Variants in DHRS4 observed in about 807,000 individuals in gnomAD.
DHRS4 encodes dehydrogenase/reductase SDR family member 4.
A neutral mutation model predicts 28.4 loss-of-function variants in DHRS4; 20 were observed. The observed-to-expected ratio is 0.71, with a 90% confidence interval of 0.50 to 1.02. The LOEUF (loss-of-function observed/expected upper bound fraction) is 1.02, where lower values mean the gene tolerates loss of function less well. Ranked by LOEUF, DHRS4 falls within the 50% of genes least tolerant of loss-of-function variation. The probability of loss-of-function intolerance (pLI) is 0.00; values close to 1 mark genes in which losing one functional copy is unlikely to be tolerated. For synonymous variants in DHRS4, 144 were observed against 146.4 expected (o/e 0.98, Z 0.12); for missense variants, 378 against 367.2 (o/e 1.03, Z -0.24).
At chr14:23,961,527 T>C (rs1360379988) in intron 3 of DHRS4, among the ~76,000 whole-genome samples, 1 of 98,486 alleles carries the variant, frequency 1.0e-5, no homozygotes, top group Non-Finnish European at 1.8e-5. Flanking sequence ...CTGTCTTTTT[T>C]CCTTTTTTTT....
chr14:23,965,520 A>T (rs2033581828), intron 3 of DHRS4, among the ~76,000 whole-genome samples: 1 of 144,826 alleles, frequency 6.9e-6, no homozygotes, highest in African/African-American at 2.6e-5. Context: ...ATTATGAAAC[A>T]AGATGAACCA....
At chr14:23,953,976 T>C in intron 1 of DHRS4, 60 bp downstream of exon 1, 1 of 1,545,186 alleles carries the variant, frequency 6.5e-7, no homozygotes, top group Non-Finnish European at 8.7e-7. Flanking sequence ...CACTGGCCTC[T>C]CATCCTCGGC....
In DHRS4 at chr14:23,966,265, ATTCTC is replaced by A. The variant is rs1566477282; in HGVS notation, c.532-13_532-9del. The A allele has an allele frequency of 6.2e-7, 1 of 1,607,850 alleles. No homozygotes were observed. Among genetic ancestry groups the A allele is most frequent in the Admixed American group, 1.7e-5 (1 of 58,988 alleles). On this transcript the variant is annotated splice_polypyrimidine_tract_variant and intron_variant, in intron 5 of 7. Coordinates refer to ENST00000313250, the MANE Select transcript of DHRS4 (RefSeq NM_021004.4). The stretch of plus-strand genomic sequence containing the variant: ...GACCTGGAAACTATGAGTCTAACAC[ATTCTC>A]TTCTTTCTCCAGGGCTTCAGTCCTT...
rs1262577110 is a variant in DHRS4 at position 23,955,112 on chromosome 14, T to A, written c.206T>A (p.Val69Glu). The A allele has an allele frequency of 1.9e-5, 31 of 1,614,010 alleles. 1 individual carries two copies. Among genetic ancestry groups the A allele is most frequent in the Non-Finnish European group, 2.5e-5 (30 of 1,179,984 alleles). ...GTCAGCAGCCGGAAGCAGCAGAATG[T>A]GGACCAGGCGGTGGCCACGCTGCAG... Reference protein sequence around the residue: ...VVVSSRKQQNVDQAVATLQGE... With the variant: ...VVVSSRKQQNEDQAVATLQGE... The change falls in exon 2 of 8, where the codon GTG becomes GAG. Residue 69 changes from valine (V) to glutamate (E), a missense_variant. Transcript: ENST00000313250.
chr14:23,966,037 C>T, intron 5 of DHRS4, 54 bp downstream of exon 5: 1 of 1,608,030 alleles, frequency 6.2e-7, no homozygotes, highest in Admixed American at 1.7e-5. Flanking sequence ...CACATCTTTC[C>T]ACCCCTCCTA....
In DHRS4 at chr14:23,953,968, C is replaced by T. The variant is rs138642112; in HGVS notation, c.128+52C>T. 1.9e-3 allele frequency: 2,950 copies of T among 1,549,468 alleles called. 6 individuals are homozygous for T. Among genetic ancestry groups the T allele is most frequent in the Middle Eastern group, 9.8e-3 (43 of 4,408 alleles). ...GGCCCTGGCTGCCTGGAAACAGGCA[C>T]TGGCCTCTCATCCTCGGCCTCCGGT... is the stretch of plus-strand genomic sequence containing the variant. On this transcript the variant is annotated intron_variant, in intron 1 of 7. Coordinates refer to ENST00000313250, the MANE Select transcript of DHRS4 (RefSeq NM_021004.4).
intron 2 of DHRS4, among the ~76,000 whole-genome samples, chr14:23,955,520 TAATA>T (rs1039027844): frequency 1.3e-5 from 2 of 152,178 alleles, no homozygotes; most frequent in African/African-American, 4.8e-5. Flanking sequence ...ACCCATGAGT[TAATA>T]AACATTCCCC....
intron 3 of DHRS4, among the ~76,000 whole-genome samples, chr14:23,960,619 G>A (rs34506026): frequency 2.5e-4 from 37 of 149,782 alleles, no homozygotes; most frequent in African/African-American, 5.1e-4. Flanking sequence ...CATTATATTC[G>A]TAATATATTT....
intron 1 of DHRS4, chr14:23,954,117 C>T (rs1469784824): frequency 2.6e-6 from 2 of 774,052 alleles, no homozygotes; most frequent in East Asian, 2.8e-5. Context: ...CCCTCCTGTC[C>T]CTGCTACCTC....
chr14:23,964,247 A>AACAAAAAACAAAAAAC (rs1555326222), intron 3 of DHRS4, among the ~76,000 whole-genome samples: 1 of 129,720 alleles, frequency 7.7e-6, no homozygotes, highest in African/African-American at 3.3e-5. Context: ...AAAAAAAAAA[A>AACAAAAAACAAAAAAC]AAAAAAACAC....
In DHRS4 at chr14:23,969,092, C is replaced by A; in HGVS notation, c.*221C>A. On this transcript the variant is annotated 3_prime_UTR_variant, in exon 8 of 8. Transcript: ENST00000313250. ...TGGGTAAAGGCCTCCCCTGAGAACA[C>A]AGGACAGGCCTGCTGACAAGGCTGA... 7 of 696,500 alleles carry A rather than the reference C, an allele frequency of 1.0e-5. No homozygotes were observed. In the South Asian group the frequency reaches 1.3e-4, roughly 13 times the overall value. The allele number at this position is 696,500 out of a possible 1,614,324, so 43.1% of individuals were successfully genotyped here. A position where few individuals can be genotyped will look rare whatever the true frequency, so the allele number is the denominator to read the frequency against.
chr14:23,965,921 TC>T lies in DHRS4; in HGVS notation c.480-10del, dbSNP rs766838035. On this transcript the variant is annotated splice_polypyrimidine_tract_variant and intron_variant, in intron 4 of 7. Coordinates refer to ENST00000313250, the MANE Select transcript of DHRS4 (RefSeq NM_021004.4). The stretch of plus-strand genomic sequence containing the variant: ...ACAATGGGAAGATGGTCAGCTCTCT[TC>T]TTTTTCCAGAGGCGGCTCAGTGGTG... 6.3e-7 allele frequency: 1 copy of T among 1,585,706 alleles called. No individual in the cohort carries two copies. Among genetic ancestry groups the T allele is most frequent in the African/African-American group, 1.4e-5 (1 of 73,028 alleles).
At chr14:23,967,186 A>G (rs1413504689) in intron 6 of DHRS4, 25 bp from the exon 7 acceptor site, 6 of 1,601,262 alleles carry the variant, frequency 3.7e-6, no homozygotes, top group South Asian at 1.1e-5. Context: ...AAAAAAACAT[A>G]AAGAGATTTC....
At chr14:23,964,253 A>AC (rs1239996482) in intron 3 of DHRS4, among the ~76,000 whole-genome samples, 1 of 138,206 alleles carries the variant, frequency 7.2e-6, no homozygotes, top group Non-Finnish European at 1.5e-5. Flanking sequence ...AAAAAAAAAA[A>AC]ACACAATATC....
intron 2 of DHRS4, among the ~76,000 whole-genome samples, chr14:23,956,835 C>A (rs575325597): frequency 9.2e-5 from 14 of 152,118 alleles, no homozygotes; most frequent in Non-Finnish European, 1.8e-4. Flanking sequence ...AACTCCTGAC[C>A]TCAGGTGATC....
In DHRS4 at chr14:23,957,394, C is replaced by T. The variant is rs538740547; in HGVS notation, c.306+2182C>T. On this transcript the variant is annotated intron_variant, in intron 2 of 7. Transcript: ENST00000313250. ...CAGTGGCCTCCTCATCTGGACACCA[C>T]GAAGCTTCTCACTGGTGTTGTAAGT... 4.6e-5 allele frequency among the ~76,000 whole-genome samples: 7 copies of T among 152,012 alleles called. 1 individual carries two copies. Among genetic ancestry groups the T allele is most frequent in the South Asian group, 4.1e-4 (2 of 4,822 alleles).
At chr14:23,959,342 G>T (rs1341977768) in intron 2 of DHRS4, among the ~76,000 whole-genome samples, 1 of 152,192 alleles carries the variant, frequency 6.6e-6, no homozygotes, top group Non-Finnish European at 1.5e-5. Context: ...TGGATGGCTT[G>T]AGCCCAGGAG....
intron 3 of DHRS4, 30 bp downstream of exon 3, chr14:23,960,033 G>T (rs559951056): frequency 1.8e-5 from 28 of 1,594,660 alleles, no homozygotes; most frequent in East Asian, 2.2e-5. Context: ...GGGGGGCCGG[G>T]GGGGGCGCCT....
Position 23,965,740 on chromosome 14 carries a change from C to G in DHRS4, c.409-22C>G, listed in dbSNP as rs565641481. The G allele has an allele frequency of 1.3e-5, 21 of 1,580,478 alleles. 1 individual carries two copies. The South Asian group carries it at 2.4e-4, about 18-fold the overall frequency. The stretch of plus-strand genomic sequence containing the variant: ...CCAGTGCTCTTCACTCATGCTGTTT[C>G]CCCTTCTTCTCTTGGCTTCAGACTC... On this transcript the variant is annotated intron_variant, in intron 3 of 7. Transcript: ENST00000313250.
Sources: gnomAD v4.1 joint callset for allele counts (sites outside exome capture counted in the v4.1 genomes callset) on GRCh38, gnomAD v4.1.1 for gene constraint, MANE v1.5 for transcripts, NCBI Gene and HGNC (gene_info 2026-07-23, HGNC 2026-07-21) for gene names.